The following CPEB3 variants were observed in gnomAD, a reference collection of about 807,000 sequenced individuals.
The protein encoded by CPEB3 is cytoplasmic polyadenylation element-binding protein 3.
A neutral mutation model predicts 67.2 loss-of-function variants in CPEB3; 20 were observed. The observed-to-expected ratio is 0.30, with a 90% CI of 0.21 to 0.43. CPEB3 has a LOEUF of 0.43. CPEB3 is among the 20% of genes least tolerant of loss of function. CPEB3 has a pLI of 1.00. For missense variants in CPEB3, 746 were observed against 968.6 expected (o/e 0.77, Z 3.05); for synonymous variants, 376 against 393.1 (o/e 0.96, Z 0.51).
intron 4 of CPEB3, among the ~76,000 whole-genome samples, chr10:92,173,656 T>C (rs1848104469): frequency 6.6e-6 from 1 of 152,142 alleles, no homozygotes; most frequent in Non-Finnish European, 1.5e-5. Context: ...GAGGCTCTGC[T>C]CCTAGCTCCA....
intron 2 of CPEB3, among the ~76,000 whole-genome samples, chr10:92,210,009 G>A (rs1310169621): frequency 6.7e-6 from 1 of 148,998 alleles, no homozygotes; most frequent in Non-Finnish European, 1.5e-5. Context: ...GGAGAGAGAA[G>A]CCAAGAAGAA....
chr10:92,233,116 A>G (rs748318659), intron 2 of CPEB3, among the ~76,000 whole-genome samples: 14 of 152,234 alleles, frequency 9.2e-5, no homozygotes, highest in Non-Finnish European at 1.6e-4. Context: ...TTTTGCATTG[A>G]AATAGTAGTT....
intron 4 of CPEB3, among the ~76,000 whole-genome samples, chr10:92,180,348 T>G (rs187217430): frequency 4.3e-4 from 66 of 152,346 alleles, no homozygotes; most frequent in Admixed American, 2.5e-3. Flanking sequence ...TCTACCACCA[T>G]GAAAAAATTC....
chr10:92,213,371 G>C (rs986991316), intron 2 of CPEB3, among the ~76,000 whole-genome samples: 2 of 152,288 alleles, frequency 1.3e-5, no homozygotes, highest in South Asian at 2.1e-4. Context: ...AGTTGTGTTG[G>C]AGATTCATTA....
chr10:92,253,892 T>TG (rs1852412242), intron 1 of CPEB3, among the ~76,000 whole-genome samples: 1 of 152,150 alleles, frequency 6.6e-6, no homozygotes, highest in Non-Finnish European at 1.5e-5. Flanking sequence ...TGTGCCAGGC[T>TG]GTACTAGAGG....
chr10:92,239,520 A>T lies in CPEB3; in HGVS notation c.831T>A (p.Gly277=), dbSNP rs551122405. The change falls in exon 2 of 10, where the codon GGT becomes GGA. Residue 277 remains glycine (G), a synonymous_variant. Coordinates refer to ENST00000265997, the MANE Select transcript of CPEB3 (RefSeq NM_014912.5). The surrounding 1 kb of genome is among the most constrained non-coding windows in gnomAD (Gnocchi z 6.0). ...GCGGGGAAGGCACCCCGACACCCAC[A>T]CCCACGCCCACACCGACCGCCCGGC... ...DPRRAVGVGV[G]VGVGVPSPLN... 1.3e-6 allele frequency: 2 copies of T among 1,566,344 alleles called. No individual in the cohort carries two copies. Among genetic ancestry groups the T allele is most frequent in the East Asian group, 4.7e-5 (2 of 42,914 alleles).
intron 8 of CPEB3, among the ~76,000 whole-genome samples, chr10:92,090,736 G>T (rs1843579679): frequency 6.6e-6 from 1 of 152,098 alleles, no homozygotes; most frequent in Admixed American, 6.6e-5. Flanking sequence ...TTAAAGCACA[G>T]TTTACAAAGG....
At position 92,186,205 on chromosome 10, in the gene CPEB3, C is replaced by T. The variant is rs570547070; in HGVS notation, c.1166-5186G>A. Among the ~76,000 whole-genome samples the T allele has an allele frequency of 4.3e-3, 576 of 135,508 alleles. 4 individuals are homozygous for T. Among genetic ancestry groups the T allele is most frequent in the Non-Finnish European group, 6.8e-3 (432 of 63,108 alleles). The allele number at this position is 135,508 out of a possible 152,430, so 88.9% of individuals were successfully genotyped here. On this transcript the variant is annotated intron_variant, in intron 3 of 9. Coordinates refer to ENST00000265997, the MANE Select transcript of CPEB3 (RefSeq NM_014912.5). ...TGAGCAACATGGCGAAACCCTGTCT[C>T]CACAAAAAAAAAAAAAATACAAAAA...
At chr10:92,171,859 C>T (rs1396315108) in intron 4 of CPEB3, among the ~76,000 whole-genome samples, 8 of 152,192 alleles carry the variant, frequency 5.3e-5, no homozygotes, top group African/African-American at 1.9e-4. Context: ...AGGTGATCCA[C>T]CCGCCTCAGC....
chr10:92,082,974 G>T (rs1425249250), intron 8 of CPEB3, among the ~76,000 whole-genome samples: 2 of 152,036 alleles, frequency 1.3e-5, no homozygotes, highest in African/African-American at 4.8e-5. Context: ...ATGTACAAAG[G>T]GTGAAGGGCT....
At chr10:92,062,244 C>CAAAAA in intron 9 of CPEB3, among the ~76,000 whole-genome samples, 1 of 119,944 alleles carries the variant, frequency 8.3e-6, no homozygotes, top group Non-Finnish European at 1.7e-5. Flanking sequence ...GACCCTGTCT[C>CAAAAA]AAAAAAAAAA....
rs569655634 is a variant in CPEB3 at position 92,266,227 on chromosome 10, G to A, written c.-12+24699C>T. On this transcript the variant is annotated intron_variant, in intron 1 of 9. Transcript: ENST00000265997. ...TTCCAATATTCTGTCATAAGCGACA[G>A]AAAACAGACTAAGACAGCCCATAAA... Among the ~76,000 whole-genome samples the A allele has an allele frequency of 2.0e-5, 3 of 152,212 alleles. No homozygotes were observed. In the South Asian group the frequency reaches 6.2e-4, roughly 32 times the overall value.
At chr10:92,064,332 T>C (rs1367101403) in intron 9 of CPEB3, among the ~76,000 whole-genome samples, 2 of 152,122 alleles carry the variant, frequency 1.3e-5, no homozygotes, top group Admixed American at 1.3e-4. Context: ...ACCCAGAAGA[T>C]AGAGTAGGTG....
intron 1 of CPEB3, among the ~76,000 whole-genome samples, chr10:92,270,201 CAATT>C (rs1414622455): frequency 1.3e-5 from 2 of 152,218 alleles, no homozygotes; most frequent in African/African-American, 4.8e-5. Context: ...AGACTTCAAT[CAATT>C]CCATGATGAA....
At position 92,239,330 on chromosome 10, in the gene CPEB3, T is replaced by G. The variant is rs755829515; in HGVS notation, c.1005+16A>C. The G allele has an allele frequency of 2.3e-5, 37 of 1,598,928 alleles. No individual in the cohort carries two copies. The highest frequency in any genetic ancestry group is 2.9e-5 in the Non-Finnish European group (34 of 1,172,748). On this transcript the variant is annotated intron_variant, in intron 2 of 9. Coordinates refer to ENST00000265997, the MANE Select transcript of CPEB3 (RefSeq NM_014912.5). The surrounding 1 kb of genome is among the most constrained non-coding windows in gnomAD (Gnocchi z 6.0). ...GGGGCAGAGGGAAGGAGTGTGTAGG[T>G]GCAGCAGAGTATTACCTGAAATGGC... is the stretch of plus-strand genomic sequence containing the variant.
intron 1 of CPEB3, among the ~76,000 whole-genome samples, chr10:92,277,482 T>C (rs141048457): frequency 6.6e-6 from 1 of 152,252 alleles, no homozygotes; most frequent in Non-Finnish European, 1.5e-5. Context: ...CTCCTCATCC[T>C]GTTCCACTGA....
intron 3 of CPEB3, among the ~76,000 whole-genome samples, chr10:92,185,160 G>C (rs1014271949): frequency 1.3e-5 from 2 of 152,156 alleles, no homozygotes; most frequent in Non-Finnish European, 2.9e-5. Flanking sequence ...AATGTAGTCT[G>C]GTGTTGCCAG....
At chr10:92,210,140 GATAAAA>G (rs1210313020) in intron 2 of CPEB3, among the ~76,000 whole-genome samples, 2 of 152,046 alleles carry the variant, frequency 1.3e-5, no homozygotes, top group Non-Finnish European at 2.9e-5. Context: ...TCTGCAGTTA[GATAAAA>G]ATAAAAAGAT....
At chr10:92,289,732 A>AAAAAAAAAAAAAAAAAAATATATAT in intron 1 of CPEB3, among the ~76,000 whole-genome samples, 2 of 75,770 alleles carry the variant, frequency 2.6e-5, no homozygotes, top group Non-Finnish European at 5.1e-5. Flanking sequence ...AAAAAAAAAA[A>AAAAAAAAAAAAAAAAAAATATATAT]ATATATATAT....
Sources: gnomAD v4.1 joint callset for allele counts (sites outside exome capture counted in the v4.1 genomes callset) on GRCh38, gnomAD v4.1.1 for gene constraint, Gnocchi (gnomAD v3.1) non-coding constraint, MANE v1.5 for transcripts, NCBI Gene and HGNC (gene_info 2026-07-23, HGNC 2026-07-21) for gene names.